Variants in ESR1 observed in about 807,000 individuals in gnomAD.
ESR1 encodes estrogen receptor 1.
In ESR1, 12 loss-of-function variants were observed where a neutral mutation model predicts 52.7. That is an observed-to-expected ratio of 0.23 (90% CI 0.15 to 0.37). The LOEUF (loss-of-function observed/expected upper bound fraction) is 0.37. ESR1 is among the 10% of genes least tolerant of loss of function. The pLI, the probability that ESR1 is intolerant of heterozygous loss-of-function variation, is 1.00. For synonymous variants in ESR1, 305 were observed against 316.8 expected (o/e 0.96, Z 0.39); for missense variants, 584 against 779.7 (o/e 0.75, Z 2.99).
At chr6:151,681,377 T>G (rs1394053584) in intron 1 of ESR1, among the ~76,000 whole-genome samples, 1 of 151,928 alleles carries the variant, frequency 6.6e-6, no homozygotes, top group Non-Finnish European at 1.5e-5. Context: ...CAGCAAGAGC[T>G]TTCCACGCTC....
chr6:152,048,292 AG>A (rs2046393345), intron 5 of ESR1, among the ~76,000 whole-genome samples: 1 of 146,098 alleles, frequency 6.8e-6, no homozygotes, highest in African/African-American at 2.5e-5. Flanking sequence ...GAATTGCTTG[AG>A]GAGGATATTG....
chr6:151,892,567 G>A (rs933332116), intron 3 of ESR1, among the ~76,000 whole-genome samples: 2 of 150,474 alleles, frequency 1.3e-5, no homozygotes, highest in Non-Finnish European at 2.9e-5. Context: ...TGTTGAGGCA[G>A]GACTCTGAAA....
downstream of ESR1, among the ~76,000 whole-genome samples, chr6:152,103,805 C>G (rs753346454): frequency 1.3e-5 from 2 of 152,100 alleles, no homozygotes; most frequent in East Asian, 3.9e-4. Context: ...ACCCCCACCC[C>G]AGGTTTCCAT....
At chr6:152,123,832 G>T (rs146445910) in intron 6 of ESR1, among the ~76,000 whole-genome samples, 2 of 152,310 alleles carry the variant, frequency 1.3e-5, no homozygotes, top group East Asian at 3.9e-4. Flanking sequence ...AGCTGTATTG[G>T]TAACTGTAGG....
At chr6:151,954,027 C>A (rs2036625896) in intron 4 of ESR1, among the ~76,000 whole-genome samples, 1 of 152,100 alleles carries the variant, frequency 6.6e-6, no homozygotes, top group Admixed American at 6.6e-5. Context: ...TTCTTAATTA[C>A]CCCCATTAGG....
At chr6:151,846,085 T>C (rs558992670) in intron 2 of ESR1, among the ~76,000 whole-genome samples, 2 of 152,316 alleles carry the variant, frequency 1.3e-5, no homozygotes, top group South Asian at 4.1e-4. Context: ...AGAGGTTTCC[T>C]GATTAAATCT....
chr6:152,125,739 T>C (rs1453238792), exon 7 of ESR1: 1 of 165,210 alleles, frequency 6.1e-6, no homozygotes, highest in Non-Finnish European at 1.3e-5. Flanking sequence ...AAGATTTACA[T>C]ATATAATTGA....
chr6:151,766,324 A>G (rs948374122), intron 2 of ESR1, among the ~76,000 whole-genome samples: 1 of 152,112 alleles, frequency 6.6e-6, no homozygotes, highest in Non-Finnish European at 1.5e-5. Flanking sequence ...AAACTCCAAT[A>G]AATGATGGTT....
intron 2 of ESR1, among the ~76,000 whole-genome samples, chr6:151,744,922 G>A (rs1783374916): frequency 6.6e-6 from 1 of 152,108 alleles, no homozygotes; most frequent in Non-Finnish European, 1.5e-5. Flanking sequence ...CTATTCTTCT[G>A]CATGTGGCTA....
At chr6:151,814,624 G>A (rs9340780) in intron 1 of ESR1, among the ~76,000 whole-genome samples, 2 of 152,194 alleles carry the variant, frequency 1.3e-5, no homozygotes. Flanking sequence ...TTCAAAAAGT[G>A]ATGTTTTTCT....
intron 2 of ESR1, among the ~76,000 whole-genome samples, chr6:151,706,557 G>T (rs1780200524): frequency 6.6e-6 from 1 of 152,110 alleles, no homozygotes; most frequent in African/African-American, 2.4e-5. Flanking sequence ...GGCGGGTCAG[G>T]TCTTCTCAGG....
intron 6 of ESR1, among the ~76,000 whole-genome samples, chr6:152,114,617 C>A: frequency 6.6e-6 from 1 of 152,186 alleles, no homozygotes; most frequent in Middle Eastern, 3.4e-3. Flanking sequence ...CAAGGCCGGG[C>A]GCGGTGGCTC....
chr6:151,836,833 A>G (rs982582412), intron 1 of ESR1, among the ~76,000 whole-genome samples: 5 of 152,182 alleles, frequency 3.3e-5, no homozygotes, highest in African/African-American at 7.2e-5. Context: ...GGAAGTGGAC[A>G]TCTATTTGTT....
At chr6:151,937,360 T>A (rs2034489449) in intron 3 of ESR1, among the ~76,000 whole-genome samples, 1 of 152,196 alleles carries the variant, frequency 6.6e-6, no homozygotes, top group South Asian at 2.1e-4. Flanking sequence ...AGAGTATAGT[T>A]AATTCCTGCT....
At chr6:151,938,602 T>A (rs2034657787) in intron 3 of ESR1, among the ~76,000 whole-genome samples, 1 of 152,170 alleles carries the variant, frequency 6.6e-6, no homozygotes. Flanking sequence ...AAGAGATTCC[T>A]TAGGGCTCAC....
intron 2 of ESR1, among the ~76,000 whole-genome samples, chr6:151,785,806 T>A (rs977021235): frequency 6.6e-6 from 1 of 152,226 alleles, no homozygotes; most frequent in African/African-American, 2.4e-5. Context: ...GGTAGTGCCA[T>A]CAAGCAATGA....
intron 2 of ESR1, among the ~76,000 whole-genome samples, chr6:151,754,326 A>ATTT (rs11446767): frequency 9.0e-5 from 13 of 145,054 alleles, no homozygotes; most frequent in East Asian, 4.0e-4. Context: ...ATCTATTGCT[A>ATTT]TTTTTTTTTT....
At chr6:152,033,463 A>C (rs971808316) in intron 5 of ESR1, among the ~76,000 whole-genome samples, 13 of 152,222 alleles carry the variant, frequency 8.5e-5, no homozygotes, top group African/African-American at 2.9e-4. Context: ...AACAAACAAC[A>C]CCATCAACAA....
chr6:152,119,778 G>A (rs969267020), intron 6 of ESR1, among the ~76,000 whole-genome samples: 1 of 152,164 alleles, frequency 6.6e-6, no homozygotes, highest in Non-Finnish European at 1.5e-5. Context: ...CAGAGCAACC[G>A]CTGGGTGCGG....
Sources: gnomAD v4.1 joint callset for allele counts (sites outside exome capture counted in the v4.1 genomes callset) on GRCh38, gnomAD v4.1.1 for gene constraint, MANE v1.5 for transcripts, NCBI Gene and HGNC (gene_info 2026-07-23, HGNC 2026-07-21) for gene names.